Variants in EYS observed in about 807,000 individuals in gnomAD.
EYS encodes the protein protein eyes shut homolog.
A neutral mutation model predicts 282.1 loss-of-function variants in EYS; 250 were observed. The observed-to-expected ratio is 0.89, with a 90% CI of 0.80 to 0.98. EYS has a LOEUF of 0.98. Among genes scored for constraint, EYS ranks in the 50% least tolerant of loss-of-function variants. The probability of loss-of-function intolerance (pLI) is 0.00; values close to 1 mark genes in which losing one functional copy is unlikely to be tolerated. For missense variants in EYS, 4,016 were observed against 3,709.0 expected, an observed-to-expected ratio of 1.08 and a Z score of -2.15; for synonymous variants, 1,355 against 1,282.9, an observed-to-expected ratio of 1.06 and a Z score of -1.20.
intron 8 of EYS, among the ~76,000 whole-genome samples, chr6:65,354,913 A>G (rs2150328511): frequency 6.6e-6 from 1 of 152,286 alleles, no homozygotes; most frequent in Middle Eastern, 3.4e-3. Context: ...ATACAATTTT[A>G]TGATATATTT....
At chr6:64,809,994 A>T (rs1045569354) in intron 22 of EYS, among the ~76,000 whole-genome samples, 7 of 152,100 alleles carry the variant, frequency 4.6e-5, no homozygotes, top group Non-Finnish European at 8.8e-5. Context: ...GAAATTTTTA[A>T]AAAAGGAAGC....
chr6:64,776,408 T>G (rs1773677966), intron 22 of EYS, among the ~76,000 whole-genome samples: 1 of 152,048 alleles, frequency 6.6e-6, no homozygotes. Context: ...CAAAGATTTT[T>G]CACTGTGCTG....
chr6:65,109,310 CATTAT>C (rs1438386491), intron 12 of EYS, among the ~76,000 whole-genome samples: 2 of 151,912 alleles, frequency 1.3e-5, no homozygotes, highest in Non-Finnish European at 2.9e-5. Flanking sequence ...GTAATTTTGG[CATTAT>C]ATTATAGCTA....
intron 5 of EYS, among the ~76,000 whole-genome samples, chr6:65,466,242 A>G (rs1003158798): frequency 6.6e-6 from 1 of 152,140 alleles, no homozygotes; most frequent in African/African-American, 2.4e-5. Context: ...AGCAGTAAAT[A>G]TAAGATAATA....
intron 22 of EYS, among the ~76,000 whole-genome samples, chr6:64,676,351 T>TATATATAGAG (rs1554192088): frequency 1.5e-4 from 22 of 145,464 alleles, no homozygotes; most frequent in East Asian, 4.1e-4. Flanking sequence ...TATATATATA[T>TATATATAGAG]AGAGAGAGAG....
At chr6:63,897,817 G>A (rs1228311293) in intron 35 of EYS, among the ~76,000 whole-genome samples, 1 of 152,182 alleles carries the variant, frequency 6.6e-6, no homozygotes, top group Admixed American at 6.5e-5. Flanking sequence ...GGTTGGTTAT[G>A]GCTTGCAGGT....
chr6:65,655,124 T>C (rs1767775268), intron 1 of EYS, among the ~76,000 whole-genome samples: 1 of 151,718 alleles, frequency 6.6e-6, no homozygotes, highest in Admixed American at 6.6e-5. Context: ...TAATTTTGTG[T>C]AATACAAATG....
chr6:64,306,950 A>C lies in EYS; in HGVS notation c.6191+20T>G. On this transcript the variant is annotated intron_variant, in intron 30 of 42. Transcript: ENST00000503581. ...GGTTATTTGAACAAGTTATTAGAAA[A>C]ATCACTACTGCTATTTTACCTGCAA... The C allele has an allele frequency of 8.7e-7, 1 of 1,155,484 alleles. No individual in the cohort carries two copies. Among genetic ancestry groups the C allele is most frequent in the Non-Finnish European group, 1.3e-6 (1 of 790,580 alleles). 71.6% of individuals were successfully genotyped at this position (1,155,484 alleles called of 1,614,324 possible).
chr6:63,904,414 C>A (rs1298596810), intron 35 of EYS, among the ~76,000 whole-genome samples: 1 of 152,144 alleles, frequency 6.6e-6, no homozygotes, highest in Non-Finnish European at 1.5e-5. Context: ...TGCCCGATAG[C>A]TCCCAAGATT....
chr6:64,444,180 T>A (rs1775046101), intron 26 of EYS, among the ~76,000 whole-genome samples: 1 of 152,156 alleles, frequency 6.6e-6, no homozygotes, highest in Non-Finnish European at 1.5e-5. Context: ...CTTTCTGACT[T>A]CTTTTTGTTT....
chr6:64,729,250 A>G (rs191787520), intron 22 of EYS, among the ~76,000 whole-genome samples: 105 of 152,264 alleles, frequency 6.9e-4, no homozygotes, highest in African/African-American at 2.4e-3. Flanking sequence ...CCTTATCACT[A>G]CTAAGGCTGT....
At chr6:64,128,506 G>A (rs1174821441) in intron 31 of EYS, among the ~76,000 whole-genome samples, 1 of 151,998 alleles carries the variant, frequency 6.6e-6, no homozygotes, top group Non-Finnish European at 1.5e-5. Context: ...CAAAAATGAG[G>A]CCATGTTTAT....
At chr6:65,516,052 A>T (rs1767121027) in intron 2 of EYS, among the ~76,000 whole-genome samples, 1 of 152,062 alleles carries the variant, frequency 6.6e-6, no homozygotes, top group Admixed American at 6.6e-5. Flanking sequence ...TTTATAGAAT[A>T]GCTAAATAAA....
intron 26 of EYS, among the ~76,000 whole-genome samples, chr6:64,480,063 C>A (rs1776389819): frequency 6.6e-6 from 1 of 151,824 alleles, no homozygotes. Flanking sequence ...CATGGGCAAG[C>A]TTTTTCAAGC....
intron 2 of EYS, among the ~76,000 whole-genome samples, chr6:65,556,444 CAT>C (rs529001671): frequency 1.4e-3 from 188 of 132,880 alleles, no homozygotes; most frequent in Middle Eastern, 4.5e-3. Context: ...GAAGGACTAA[CAT>C]GTGTCAGATC....
intron 30 of EYS, among the ~76,000 whole-genome samples, chr6:64,294,505 C>T (rs1363729955): frequency 1.3e-5 from 2 of 152,296 alleles, no homozygotes; most frequent in South Asian, 4.1e-4. Flanking sequence ...GGTAAGACTA[C>T]ATTCCCTGTA....
At chr6:65,078,812 T>A (rs1004066338) in intron 12 of EYS, among the ~76,000 whole-genome samples, 6 of 151,886 alleles carry the variant, frequency 4.0e-5, no homozygotes, top group African/African-American at 1.5e-4. Context: ...GGCGTTTTGA[T>A]CATGCAGGCA....
chr6:65,485,869 C>T (rs1205744417), intron 5 of EYS, among the ~76,000 whole-genome samples: 1 of 152,052 alleles, frequency 6.6e-6, no homozygotes, highest in Non-Finnish European at 1.5e-5. Flanking sequence ...CAGTTAATTC[C>T]AACAATGGTT....
At chr6:64,843,825 G>A (rs1765639395) in intron 19 of EYS, among the ~76,000 whole-genome samples, 1 of 151,990 alleles carries the variant, frequency 6.6e-6, no homozygotes, top group South Asian at 2.1e-4. Context: ...AGGGGCCCAG[G>A]GTGGAATGAT....
Sources: gnomAD v4.1 joint callset for allele counts (sites outside exome capture counted in the v4.1 genomes callset) on GRCh38, gnomAD v4.1.1 for gene constraint, MANE v1.5 for transcripts, NCBI Gene and HGNC (gene_info 2026-07-23, HGNC 2026-07-21) for gene names.